Variants in RGS20 observed in about 807,000 individuals in gnomAD.
RGS20 encodes gz-selective GTPase-activating protein.
Under a neutral mutation model 33.6 loss-of-function variants are expected in RGS20, and 30 were observed. That is an observed-to-expected ratio of 0.89 (90% CI 0.67 to 1.21). The LOEUF (loss-of-function observed/expected upper bound fraction) is 1.21. RGS20 is among the 50% of genes most tolerant of loss of function. RGS20 has a pLI of 0.00. For synonymous variants in RGS20, 208 were observed against 197.9 expected, an observed-to-expected ratio of 1.05 and a Z score of -0.43; for missense variants, 472 against 502.4, an observed-to-expected ratio of 0.94 and a Z score of 0.58.
intron 2 of RGS20, among the ~76,000 whole-genome samples, chr8:53,917,756 C>T (rs58507961): frequency 0.29 from 43,613 of 152,030 alleles, 6,447 homozygotes; most frequent in African/African-American, 0.35. Flanking sequence ...GCGACAGAGA[C>T]TGACTCTGTC....
intron 2 of RGS20, among the ~76,000 whole-genome samples, chr8:53,914,391 T>C (rs372776452): frequency 5.1e-4 from 78 of 152,286 alleles, no homozygotes; most frequent in African/African-American, 1.8e-3. Context: ...CCCCATTCTC[T>C]CCTTCTTTCT....
chr8:53,925,757 G>A (rs919509407), intron 2 of RGS20, among the ~76,000 whole-genome samples: 2 of 151,838 alleles, frequency 1.3e-5, no homozygotes, highest in African/African-American at 4.8e-5. Context: ...AAGTTAAAAC[G>A]AAGTAAGATA....
chr8:53,936,491 G>T (rs10099151), intron 2 of RGS20, among the ~76,000 whole-genome samples: 1 of 151,796 alleles, frequency 6.6e-6, no homozygotes, highest in African/African-American at 2.4e-5. Context: ...AGTGAACTCC[G>T]ATTCACAATT....
At chr8:53,874,401 TGCGC>T (rs1554518107) in intron 1 of RGS20, among the ~76,000 whole-genome samples, 1 of 124,908 alleles carries the variant, frequency 8.0e-6, no homozygotes, top group Non-Finnish European at 1.6e-5. Context: ...TGTGTGTGTG[TGCGC>T]GCGCGTGTGC....
At chr8:53,900,887 C>G (rs1037993689) in intron 2 of RGS20, among the ~76,000 whole-genome samples, 17 of 152,118 alleles carry the variant, frequency 1.1e-4, no homozygotes, top group Non-Finnish European at 1.9e-4. Flanking sequence ...ACTCAGAGGA[C>G]TCCTCCAAGT....
chr8:53,917,025 T>A (rs567439930), intron 2 of RGS20, among the ~76,000 whole-genome samples: 1 of 152,336 alleles, frequency 6.6e-6, no homozygotes, highest in South Asian at 2.1e-4. Flanking sequence ...CCTTGGGGCT[T>A]CAATTAATGA....
intron 2 of RGS20, among the ~76,000 whole-genome samples, chr8:53,883,966 C>T (rs1000703800): frequency 2.6e-5 from 4 of 151,180 alleles, no homozygotes; most frequent in African/African-American, 9.7e-5. Context: ...AAAAGAGTAT[C>T]TACCTAATGT....
At chr8:53,909,212 T>TGTGTGC (rs1813274806) in intron 2 of RGS20, among the ~76,000 whole-genome samples, 1 of 9,906 alleles carries the variant, frequency 1.0e-4, no homozygotes, top group African/African-American at 3.5e-4. Context: ...TATGTGTGTA[T>TGTGTGC]ATATATATAT....
At chr8:53,867,650 G>A (rs1040125914) in intron 1 of RGS20, among the ~76,000 whole-genome samples, 3 of 147,038 alleles carry the variant, frequency 2.0e-5, no homozygotes, top group Non-Finnish European at 4.5e-5. Context: ...CAACCATTAC[G>A]GAAGTAGTCT....
intron 2 of RGS20, among the ~76,000 whole-genome samples, chr8:53,929,979 A>G (rs1187016890): frequency 1.3e-5 from 2 of 152,230 alleles, no homozygotes; most frequent in Non-Finnish European, 2.9e-5. Flanking sequence ...CCTCCAACAC[A>G]TAGCATACAT....
At chr8:53,873,915 C>T (rs1842984) in intron 1 of RGS20, among the ~76,000 whole-genome samples, 11,924 of 152,124 alleles carry the variant, frequency 0.078, 993 homozygotes, top group East Asian at 0.32. Context: ...AGTCTGGAGC[C>T]GGGATGGGTG....
intron 2 of RGS20, among the ~76,000 whole-genome samples, chr8:53,892,205 A>G (rs559928837): frequency 6.6e-6 from 1 of 152,280 alleles, no homozygotes; most frequent in Non-Finnish European, 1.5e-5. Flanking sequence ...CCATGTCCCT[A>G]CAAAGGACAC....
intron 2 of RGS20, among the ~76,000 whole-genome samples, chr8:53,885,135 A>G (rs916275932): frequency 6.6e-6 from 1 of 152,230 alleles, no homozygotes; most frequent in Non-Finnish European, 1.5e-5. Flanking sequence ...CGAGAGTAAA[A>G]GAGAAAAGCT....
At chr8:53,933,194 T>C (rs932721997) in intron 2 of RGS20, among the ~76,000 whole-genome samples, 7 of 152,102 alleles carry the variant, frequency 4.6e-5, no homozygotes, top group African/African-American at 1.7e-4. Context: ...AAAACCAGAA[T>C]GTCTCTTCTA....
At chr8:53,947,382 T>TATA (rs1220007117) in intron 4 of RGS20, among the ~76,000 whole-genome samples, 4 of 111,304 alleles carry the variant, frequency 3.6e-5, no homozygotes, top group South Asian at 3.2e-4. Flanking sequence ...ATATAGTATA[T>TATA]TTATATATGC....
In RGS20 at chr8:53,852,139, A is replaced by G. The variant is rs1346241218; in HGVS notation, c.165+75A>G. ...TTACCCAGAAAGAATATAAAACTAT[A>G]CTCAAGCTTTAGTGCCATTGCTCAC... is the stretch of plus-strand genomic sequence containing the variant. On this transcript the variant is annotated intron_variant, in intron 1 of 5. Coordinates refer to ENST00000297313, the MANE Select transcript of RGS20 (RefSeq NM_170587.4). 6.6e-6 allele frequency: 9 copies of G among 1,372,428 alleles called. No individual in the cohort carries two copies. In the Admixed American group the frequency reaches 2.1e-4, roughly 32 times the overall value. The allele number at this position is 1,372,428 out of a possible 1,614,324, so 85.0% of individuals were successfully genotyped here. A position where few individuals can be genotyped will look rare whatever the true frequency, so the allele number is the denominator to read the frequency against.
chr8:53,907,141 G>A (rs1238986532), intron 2 of RGS20, among the ~76,000 whole-genome samples: 2 of 152,156 alleles, frequency 1.3e-5, no homozygotes, highest in African/African-American at 4.8e-5. Flanking sequence ...GTGGCCGGGT[G>A]GCTTGGTATC....
At chr8:53,899,547 G>A (rs192397635) in intron 2 of RGS20, among the ~76,000 whole-genome samples, 99 of 152,256 alleles carry the variant, frequency 6.5e-4, no homozygotes, top group African/African-American at 2.3e-3. Context: ...AAGAGACCCA[G>A]CACCCCTTAG....
Position 53,852,479 on chromosome 8 carries a change from A to G in RGS20, c.165+415A>G, listed in dbSNP as rs373460282. On this transcript the variant is annotated intron_variant, in intron 1 of 5. Coordinates refer to ENST00000297313, the MANE Select transcript of RGS20 (RefSeq NM_170587.4). ...AAAAATTCCTTGGGAAAAAATTGATAAACTAAGAACATAAGAACATTAAGG... is the reference window on the plus strand; with the variant it reads ...AAAAATTCCTTGGGAAAAAATTGATGAACTAAGAACATAAGAACATTAAGG... 9.2e-5 allele frequency among the ~76,000 whole-genome samples: 14 copies of G among 152,372 alleles called. No homozygotes were observed. The South Asian group carries it at 2.9e-3, about 32-fold the overall frequency.
Sources: gnomAD v4.1 joint callset for allele counts (sites outside exome capture counted in the v4.1 genomes callset) on GRCh38, gnomAD v4.1.1 for gene constraint, MANE v1.5 for transcripts, NCBI Gene and HGNC (gene_info 2026-07-23, HGNC 2026-07-21) for gene names.